Variants in ZSCAN12 observed in about 807,000 individuals in gnomAD.
ZSCAN12 encodes zinc finger and SCAN domain containing 12.
Under a neutral mutation model 23.4 loss-of-function variants are expected in ZSCAN12, and 18 were observed. The ratio of observed to expected loss-of-function variants is 0.77; its 90% CI spans 0.53 to 1.14. The LOEUF is 1.14. ZSCAN12 is among the 50% of genes most tolerant of loss of function. The probability of loss-of-function intolerance (pLI) is 0.00; values close to 1 mark genes in which losing one functional copy is unlikely to be tolerated. For missense variants in ZSCAN12, 650 were observed against 735.0 expected (o/e 0.88, Z 1.34); for synonymous variants, 186 against 253.4 (o/e 0.73, Z 2.53).
chr6:28,383,734 A>G (rs1230955918), downstream of ZSCAN12, among the ~76,000 whole-genome samples: 1 of 152,184 alleles, frequency 6.6e-6, no homozygotes, highest in South Asian at 2.1e-4. Context: ...AGCTTGGGCG[A>G]TAAGTGTCCC....
rs1760480752 is a variant in ZSCAN12 at position 28,385,193 on chromosome 6, T to C, written c.*5261A>G. On this transcript the variant is annotated 3_prime_UTR_variant, in exon 4 of 4. Transcript: ENST00000684592. Reference sequence around the variant, plus strand: ...ACACTTGGGGACAAATCTTTAAATCTTTCTGTATTAAATTAGACAGCCAAA... The same window carrying C: ...ACACTTGGGGACAAATCTTTAAATCCTTCTGTATTAAATTAGACAGCCAAA... Among the ~76,000 whole-genome samples the C allele has an allele frequency of 6.6e-6, 1 of 152,220 alleles. No homozygotes were observed. The highest frequency in any genetic ancestry group is 1.5e-5 in the Non-Finnish European group (1 of 68,036).
At chr6:28,395,792 C>G (rs984925965) in intron 2 of ZSCAN12, among the ~76,000 whole-genome samples, 3 of 152,150 alleles carry the variant, frequency 2.0e-5, no homozygotes, top group Non-Finnish European at 2.9e-5. Context: ...TAAGTACATT[C>G]TCACTTTAAG....
In ZSCAN12 at chr6:28,386,488, G is replaced by A. The variant is rs1760547014; in HGVS notation, c.*3966C>T. 6.6e-6 allele frequency among the ~76,000 whole-genome samples: 1 copy of A among 152,130 alleles called. No individual in the cohort carries two copies. The highest frequency in any genetic ancestry group is 2.4e-5 in the African/African-American group (1 of 41,426). The stretch of plus-strand genomic sequence containing the variant: ...GAGGTTTCTGGTTTCCTAGGATCTT[G>A]TCACTGTCACACCACATCTATATGT... On this transcript the variant is annotated 3_prime_UTR_variant, in exon 4 of 4. Transcript: ENST00000684592.
At chr6:28,379,753 G>T (rs1760135308), downstream of ZSCAN12, 1 of 152,096 alleles carries the variant, frequency 6.6e-6, no homozygotes, top group Non-Finnish European at 1.5e-5. Flanking sequence ...TGCATTTACT[G>T]AAACATGATA....
rs933033527 is a variant in ZSCAN12 at position 28,398,395 on chromosome 6, G to A, written c.11C>T (p.Thr4Ile). ...GTCCATGTGGGCCTGGATAGCCCAA[G>A]TAGATGCCATTTTAGCTGTGCTAGA... MAS[T>I]WAIQAHMDQD... The change falls in exon 2 of 4, where the codon ACT becomes ATT. Residue 4 changes from threonine (T) to isoleucine (I), a missense_variant. Physicochemically the swap from Thr to Ile is moderately conservative, Grantham distance 89. Coordinates refer to ENST00000684592, the MANE Select transcript of ZSCAN12 (RefSeq NM_001163391.2). 7.1e-6 allele frequency: 11 copies of A among 1,545,998 alleles called. No homozygotes were observed. The African/African-American group carries it at 1.4e-4, about 19-fold the overall frequency.
rs1441107098 is a variant in ZSCAN12, at chr6:28,384,800, G to A, written c.*5654C>T. ...ATACAAGTAAAAAATAATGTGTGAG[G>A]ACTCCTTACCAAACGCACACAGAAC... is the stretch of plus-strand genomic sequence containing the variant. On this transcript the variant is annotated 3_prime_UTR_variant, in exon 4 of 4. Coordinates refer to ENST00000684592, the MANE Select transcript of ZSCAN12 (RefSeq NM_001163391.2). Among the ~76,000 whole-genome samples the A allele has an allele frequency of 1.3e-5, 2 of 152,088 alleles. No homozygotes were observed. The highest frequency in any genetic ancestry group is 2.9e-5 in the Non-Finnish European group (2 of 68,028).
chr6:28,398,761 C>CAAAAAAAAAA (rs775480746), intron 1 of ZSCAN12, among the ~76,000 whole-genome samples: 37 of 72,636 alleles, frequency 5.1e-4, no homozygotes, highest in African/African-American at 8.6e-4. Flanking sequence ...ACTAAAAATA[C>CAAAAAAAAAA]AAAAAAAAAA....
chr6:28,393,943 C>G (rs1760988016), intron 2 of ZSCAN12, among the ~76,000 whole-genome samples: 1 of 152,102 alleles, frequency 6.6e-6, no homozygotes, highest in East Asian at 1.9e-4. Context: ...ATCATCTACT[C>G]TTCATTTTAT....
intron 2 of ZSCAN12, among the ~76,000 whole-genome samples, chr6:28,395,467 C>T (rs1445339454): frequency 3.3e-5 from 5 of 152,208 alleles, no homozygotes; most frequent in Non-Finnish European, 7.3e-5. Context: ...CCCACTGCTA[C>T]TATTCTAGTC....
chr6:28,394,092 CATTT>C (rs1479275677), intron 2 of ZSCAN12, among the ~76,000 whole-genome samples: 1 of 152,140 alleles, frequency 6.6e-6, no homozygotes, highest in East Asian at 1.9e-4. Context: ...TCAGTTAACT[CATTT>C]ATTCAATTTC....
At position 28,386,613 on chromosome 6, in the gene ZSCAN12, C is replaced by G. The variant is rs921978561; in HGVS notation, c.*3841G>C. On this transcript the variant is annotated 3_prime_UTR_variant, in exon 4 of 4. Transcript: ENST00000684592. ...TTCCATATCTAACATGTCACATCCT[C>G]CATTTGCCCCTCAGGGCCTTCAATT... Among the ~76,000 whole-genome samples, 7 of 152,228 alleles carry G rather than the reference C, an allele frequency of 4.6e-5. No individual in the cohort carries two copies. Among genetic ancestry groups the G allele is most frequent in the Non-Finnish European group, 8.8e-5 (6 of 68,034 alleles).
rs1459778333 is a variant in ZSCAN12 at position 28,390,182 on chromosome 6, G to C, written c.*272C>G. Among the ~76,000 whole-genome samples, 4 of 152,058 alleles carry C rather than the reference G, an allele frequency of 2.6e-5. No individual in the cohort carries two copies. Among genetic ancestry groups the C allele is most frequent in the African/African-American group, 9.7e-5 (4 of 41,410 alleles). The stretch of plus-strand genomic sequence containing the variant: ...TACCACTTTCATTCGACACCATCTG[G>C]TGCATCAATTCTACTCTCCTGTAGT... On this transcript the variant is annotated 3_prime_UTR_variant, in exon 4 of 4. Coordinates refer to ENST00000684592, the MANE Select transcript of ZSCAN12 (RefSeq NM_001163391.2).
At position 28,389,635 on chromosome 6, in the gene ZSCAN12, T is replaced by A. The variant is rs183428082; in HGVS notation, c.*819A>T. Among the ~76,000 whole-genome samples, 179 of 152,344 alleles carry A rather than the reference T, an allele frequency of 1.2e-3. 1 individual carries two copies. The highest frequency in any genetic ancestry group is 4.2e-3 in the African/African-American group (175 of 41,594). On this transcript the variant is annotated 3_prime_UTR_variant, in exon 4 of 4. Transcript: ENST00000684592. ...AAACAAGCTCCAAACATGATTTTGA[T>A]GTTCATCAAAGTTGGAGGATCACTA...
rs774262875 is a variant in ZSCAN12 at position 28,398,024 on chromosome 6, G to A, written c.382C>T (p.Leu128=). The change falls in exon 2 of 4, where the codon CTG becomes TTG. Residue 128 remains leucine (L), a synonymous_variant. Transcript: ENST00000684592. ...CTCACCTGCTCTCCTGGTTCATCCAGTTCTCTCTCTAAATCCTCCAGCACA... is the reference window on the plus strand; with the variant it reads ...CTCACCTGCTCTCCTGGTTCATCCAATTCTCTCTCTAAATCCTCCAGCACA... ...VTVLEDLERE[L]DEPGEQVSVH... is the part of the protein sequence containing the mutation. 27 of 1,602,040 alleles carry A rather than the reference G, an allele frequency of 1.7e-5. No individual in the cohort carries two copies. Among genetic ancestry groups the A allele is most frequent in the Non-Finnish European group, 2.2e-5 (26 of 1,175,362 alleles).
At chr6:28,392,364 C>A (rs190293520) in intron 3 of ZSCAN12, among the ~76,000 whole-genome samples, 1 of 151,526 alleles carries the variant, frequency 6.6e-6, no homozygotes, top group East Asian at 1.9e-4. Flanking sequence ...TTTTAGTAGA[C>A]ACGGGGTTTC....
chr6:28,397,448 G>A (rs1176715129), intron 2 of ZSCAN12, among the ~76,000 whole-genome samples: 1 of 152,102 alleles, frequency 6.6e-6, no homozygotes, highest in African/African-American at 2.4e-5. Context: ...TCAAGGTCCT[G>A]GACACTATCT....
rs762021304 is a variant in ZSCAN12, at chr6:28,386,816, G to A, written c.*3638C>T. ...GAAATAACCAGAACAAAACCCCCAC[G>A]TGTATTTTTATTTTTATTTTAATTT... On this transcript the variant is annotated 3_prime_UTR_variant, in exon 4 of 4. Transcript: ENST00000684592. Among the ~76,000 whole-genome samples the A allele has an allele frequency of 8.6e-5, 13 of 151,960 alleles. No individual in the cohort carries two copies. Among genetic ancestry groups the A allele is most frequent in the Non-Finnish European group, 1.5e-4 (10 of 67,978 alleles).
chr6:28,383,505 C>A (rs935077071), downstream of ZSCAN12, among the ~76,000 whole-genome samples: 35 of 152,202 alleles, frequency 2.3e-4, no homozygotes, highest in African/African-American at 7.9e-4. Context: ...CGGCCGAACC[C>A]CGCCCCAGCT....
chr6:28,390,846 T>C lies in ZSCAN12; in HGVS notation c.1444A>G (p.Thr482Ala). Residue 482 changes from threonine to alanine, a missense_variant, in exon 4 of 4, where the codon ACA (threonine) becomes GCA (alanine). By Grantham distance (58) the Thr-to-Ala change is moderately conservative. Transcript: ENST00000684592. ...DVCEKAFIQR[T>A]SLTEHQRIHT... is the part of the protein sequence containing the mutation. Reference sequence around the variant, plus strand: ...ATTCGCTGATGTTCTGTAAGACTTGTCCTTTGAATAAAGGCTTTTTCACAT... The same window carrying C: ...ATTCGCTGATGTTCTGTAAGACTTGCCCTTTGAATAAAGGCTTTTTCACAT... The C allele has an allele frequency of 1.3e-6, 2 of 1,589,396 alleles. No homozygotes were observed. The highest frequency in any genetic ancestry group is 1.7e-6 in the Non-Finnish European group (2 of 1,167,166).
Sources: allele counts gnomAD v4.1 joint callset (sites outside exome capture counted in the v4.1 genomes callset), GRCh38; gene constraint gnomAD v4.1.1; transcripts MANE v1.5; gene names NCBI Gene and HGNC (gene_info 2026-07-23, HGNC 2026-07-21).